The following DTWD2 variants were observed in gnomAD, a reference collection of about 807,000 sequenced individuals.
DTWD2 encodes the protein tRNA-uridine aminocarboxypropyltransferase 2.
A neutral mutation model predicts 31.8 loss-of-function variants in DTWD2; 39 were observed. The observed-to-expected ratio is 1.22, with a 90% CI of 0.95 to 1.60. DTWD2 has a LOEUF of 1.60. Among genes scored for constraint, DTWD2 ranks in the 40% most tolerant of loss-of-function variants. The pLI, the probability that DTWD2 is intolerant of heterozygous loss-of-function variation, is 0.00. For missense variants in DTWD2, 515 were observed against 381.5 expected, an observed-to-expected ratio of 1.35 and a Z score of -2.92; for synonymous variants, 180 against 142.8, an observed-to-expected ratio of 1.26 and a Z score of -1.86.
In DTWD2 at chr5:118,988,547, C is replaced by G; in HGVS notation, c.-36G>C. On this transcript the variant is annotated 5_prime_UTR_variant, in exon 1 of 6. Transcript: ENST00000510708. ...CCGGTCAGGCCGTGGCATTGAAGCC[C>G]GGCTGCCGCCGGGGGGCGCCACGCG... is the stretch of plus-strand genomic sequence containing the variant. 6.8e-7 allele frequency: 1 copy of G among 1,467,968 alleles called. No homozygotes were observed. The highest frequency in any genetic ancestry group is 9.0e-7 in the Non-Finnish European group (1 of 1,112,458). The allele number at this position is 1,467,968 out of a possible 1,614,324, so 90.9% of individuals were successfully genotyped here. A position where few individuals can be genotyped will look rare whatever the true frequency, so the allele number is the denominator to read the frequency against.
chr5:118,974,820 A>C (rs1561478774), intron 1 of DTWD2: 2 of 382,246 alleles, frequency 5.2e-6, no homozygotes, highest in Admixed American at 3.7e-5. Flanking sequence ...AAAAAAAAAA[A>C]TTCTTTTATT....
At chr5:118,846,734 T>C (rs747687135) in intron 5 of DTWD2, among the ~76,000 whole-genome samples, 3 of 152,094 alleles carry the variant, frequency 2.0e-5, no homozygotes, top group African/African-American at 7.2e-5. Context: ...ATATGGGGTA[T>C]ATAAAGTACT....
At chr5:118,921,535 G>A (rs1353952079) in intron 4 of DTWD2, among the ~76,000 whole-genome samples, 2 of 145,938 alleles carry the variant, frequency 1.4e-5, no homozygotes, top group Non-Finnish European at 1.5e-5. Context: ...AAAAAAAAAA[G>A]AAAGAAAGAA....
intron 4 of DTWD2, among the ~76,000 whole-genome samples, chr5:118,887,007 T>C (rs1396242217): frequency 1.3e-5 from 2 of 152,190 alleles, no homozygotes; most frequent in Non-Finnish European, 2.9e-5. Flanking sequence ...TTTTACAATG[T>C]GTTGATCCAT....
intron 1 of DTWD2, among the ~76,000 whole-genome samples, chr5:118,969,968 C>G (rs1754945826): frequency 6.6e-6 from 1 of 152,080 alleles, no homozygotes; most frequent in Non-Finnish European, 1.5e-5. Flanking sequence ...ATGAGAACAG[C>G]CAGTTTAGAG....
At chr5:118,980,156 C>T (rs1475254656) in intron 1 of DTWD2, among the ~76,000 whole-genome samples, 1 of 152,182 alleles carries the variant, frequency 6.6e-6, no homozygotes, top group African/African-American at 2.4e-5. Context: ...AAGGTATCTA[C>T]ATGGTGAATA....
intron 4 of DTWD2, among the ~76,000 whole-genome samples, chr5:118,916,381 T>C (rs956400126): frequency 7.2e-5 from 11 of 152,164 alleles, no homozygotes; most frequent in African/African-American, 2.2e-4. Context: ...TAAAAGACAT[T>C]AAGGCCGGGT....
intron 1 of DTWD2, among the ~76,000 whole-genome samples, chr5:118,967,482 T>C (rs1289428088): frequency 1.3e-5 from 2 of 152,110 alleles, no homozygotes; most frequent in South Asian, 4.1e-4. Flanking sequence ...AGGGAAAATA[T>C]AAGATAAGCC....
At chr5:118,959,839 T>C (rs921970520) in intron 1 of DTWD2, among the ~76,000 whole-genome samples, 2 of 152,082 alleles carry the variant, frequency 1.3e-5, no homozygotes, top group African/African-American at 4.8e-5. Flanking sequence ...AAACAAGCAA[T>C]GGAGAAAGGA....
At chr5:118,865,850 C>A (rs1366393245) in intron 4 of DTWD2, among the ~76,000 whole-genome samples, 1 of 151,986 alleles carries the variant, frequency 6.6e-6, no homozygotes, top group Non-Finnish European at 1.5e-5. Flanking sequence ...AAAATATGAA[C>A]CACTTTTGAT....
Position 118,838,375 on chromosome 5 carries a change from A to C in DTWD2, c.*2542T>G, listed in dbSNP as rs12654866. 1.5e-5 allele frequency: 2 copies of C among 135,790 alleles called. No homozygotes were observed. Among genetic ancestry groups the C allele is most frequent in the Non-Finnish European group, 3.1e-5 (2 of 65,142 alleles). 8.4% of individuals were successfully genotyped at this position (135,790 alleles called of 1,614,324 possible). On this transcript the variant is annotated 3_prime_UTR_variant, in exon 6 of 6. Transcript: ENST00000510708. ...ACCTACTATCAGCTACAAATTCATA[A>C]AACTTGGAACTTCCAGGAAAAATCA...
chr5:118,956,221 T>C (rs538000617), intron 1 of DTWD2, among the ~76,000 whole-genome samples: 6 of 152,352 alleles, frequency 3.9e-5, no homozygotes, highest in African/African-American at 1.4e-4. Flanking sequence ...GATTTTTCCC[T>C]TTTCTATATT....
intron 4 of DTWD2, among the ~76,000 whole-genome samples, chr5:118,906,600 T>A (rs915603528): frequency 6.6e-6 from 1 of 152,176 alleles, no homozygotes; most frequent in East Asian, 1.9e-4. Flanking sequence ...TAAGAGTACA[T>A]AATCTATGAT....
chr5:118,861,980 C>T (rs528719835), intron 4 of DTWD2, among the ~76,000 whole-genome samples: 1 of 152,300 alleles, frequency 6.6e-6, no homozygotes, highest in East Asian at 1.9e-4. Flanking sequence ...CCCCAGCCCC[C>T]AGGCCATGGA....
intron 3 of DTWD2, among the ~76,000 whole-genome samples, chr5:118,930,784 C>T (rs182439455): frequency 6.6e-6 from 1 of 152,126 alleles, no homozygotes; most frequent in Admixed American, 6.5e-5. Context: ...TATCAGATAT[C>T]AAATATGGAT....
rs542459420 is a variant in DTWD2, at chr5:118,905,461, T to C, written c.597+23076A>G. 2.6e-5 allele frequency among the ~76,000 whole-genome samples: 4 copies of C among 152,242 alleles called. No individual in the cohort carries two copies. In the South Asian group the frequency reaches 8.3e-4, roughly 32 times the overall value. On this transcript the variant is annotated intron_variant, in intron 4 of 5. Coordinates refer to ENST00000510708, the MANE Select transcript of DTWD2 (RefSeq NM_173666.4). ...GAACTGAAAGCATTCACATCATAAG[T>C]CTAGTATAGAAGCTGTGTATAAAGT... is the stretch of plus-strand genomic sequence containing the variant.
chr5:118,912,375 T>C (rs1332053352), intron 4 of DTWD2, among the ~76,000 whole-genome samples: 1 of 152,174 alleles, frequency 6.6e-6, no homozygotes, highest in Admixed American at 6.5e-5. Flanking sequence ...GGCTTCACAG[T>C]ACCTTTAGAA....
intron 2 of DTWD2, among the ~76,000 whole-genome samples, chr5:118,944,106 A>C (rs900108850): frequency 1.3e-5 from 2 of 152,256 alleles, no homozygotes; most frequent in African/African-American, 4.8e-5. Flanking sequence ...ATTATAAAAT[A>C]TACATGTTTC....
rs182868075 is a variant in DTWD2, at chr5:118,890,413, C to T, written c.597+38124G>A. ...CCACGTACCTTTGAAAACAAGTGGA[C>T]TTTATTTTAGACAGAATGCAATCCT... is the stretch of plus-strand genomic sequence containing the variant. On this transcript the variant is annotated intron_variant, in intron 4 of 5. Transcript: ENST00000510708. Among the ~76,000 whole-genome samples, 110 of 151,936 alleles carry T rather than the reference C, an allele frequency of 7.2e-4. 3 individuals are homozygous for T. The Middle Eastern group carries it at 0.01, about 14-fold the overall frequency.
Sources: gnomAD v4.1 joint callset for allele counts (sites outside exome capture counted in the v4.1 genomes callset) on GRCh38, gnomAD v4.1.1 for gene constraint, MANE v1.5 for transcripts, NCBI Gene and HGNC (gene_info 2026-07-23, HGNC 2026-07-21) for gene names.